Variants in POU6F2 observed in about 807,000 individuals in gnomAD.
POU6F2 encodes the protein POU class 6 homeobox 2.
Under a neutral mutation model 71.3 loss-of-function variants are expected in POU6F2, and 31 were observed. The ratio of observed to expected loss-of-function variants is 0.43; its 90% CI spans 0.33 to 0.59. The LOEUF is 0.59. Among genes scored for constraint, POU6F2 ranks in the 20% least tolerant of loss-of-function variants. The pLI is 0.04. For synonymous variants in POU6F2, 347 were observed against 355.7 expected, an observed-to-expected ratio of 0.98 and a Z score of 0.27; for missense variants, 783 against 856.8, an observed-to-expected ratio of 0.91 and a Z score of 1.07.
intron 1 of POU6F2, among the ~76,000 whole-genome samples, chr7:39,079,625 CGCA>C (rs1381203961): frequency 6.6e-6 from 1 of 152,058 alleles, no homozygotes; most frequent in African/African-American, 2.4e-5. Flanking sequence ...CACTGTTAAA[CGCA>C]GCATTTATTT....
At chr7:39,269,729 T>TAA (rs1482142337) in intron 4 of POU6F2, among the ~76,000 whole-genome samples, 1 of 152,322 alleles carries the variant, frequency 6.6e-6, no homozygotes, top group African/African-American at 2.4e-5. Flanking sequence ...TAGGGCTTTG[T>TAA]GTTCACTTCT....
chr7:39,285,557 T>A (rs1391826455), intron 4 of POU6F2, among the ~76,000 whole-genome samples: 1 of 152,246 alleles, frequency 6.6e-6, no homozygotes, highest in African/African-American at 2.4e-5. Context: ...AATTGCTACA[T>A]GTTTCTAAAA....
Position 39,085,876 on chromosome 7 carries a change from G to A in POU6F2, c.122G>A (p.Gly41Glu). ...AVIGQDPMIA[G>E]QVSKPLLSVR... ...CCATCCTAGGATCCAATGATAGCTGGACAAGTCAGTAAGCCCTTGCTGTCA... is the reference window on the plus strand; with the variant it reads ...CCATCCTAGGATCCAATGATAGCTGAACAAGTCAGTAAGCCCTTGCTGTCA... The change falls in exon 2 of 10, where the codon GGA becomes GAA. Residue 41 changes from glycine to glutamate, a missense_variant. Around this residue, in one of 2 missense-constraint regions of POU6F2, gnomAD observed 572 missense variants for 572.9 expected, o/e 1.00. Transcript: ENST00000518318. 1 of 1,613,504 alleles carries A rather than the reference G, an allele frequency of 6.2e-7. No homozygotes were observed. Among genetic ancestry groups the A allele is most frequent in the Non-Finnish European group, 8.5e-7 (1 of 1,179,722 alleles).
intron 4 of POU6F2, among the ~76,000 whole-genome samples, chr7:39,256,844 C>T (rs575421471): frequency 6.6e-6 from 1 of 152,264 alleles, no homozygotes; most frequent in Admixed American, 6.5e-5. Context: ...AACAGATTCT[C>T]CTATAGAGCC....
intron 5 of POU6F2, among the ~76,000 whole-genome samples, chr7:39,365,306 C>T (rs1335522888): frequency 1.3e-5 from 2 of 152,132 alleles, no homozygotes; most frequent in Admixed American, 6.5e-5. Context: ...CCCTATTCAA[C>T]AAATGGTGCT....
chr7:39,196,675 C>T (rs1793792663), intron 2 of POU6F2, among the ~76,000 whole-genome samples: 1 of 151,974 alleles, frequency 6.6e-6, no homozygotes, highest in African/African-American at 2.4e-5. Context: ...AGGAGAATCG[C>T]TTGAACCCAG....
intron 1 of POU6F2, among the ~76,000 whole-genome samples, chr7:39,051,214 GTC>G (rs1467622448): frequency 1.3e-5 from 2 of 152,110 alleles, no homozygotes; most frequent in African/African-American, 4.8e-5. Flanking sequence ...CTTAGAGTGA[GTC>G]TCTGATAGGC....
At position 39,464,368 on chromosome 7, in the gene POU6F2, G is replaced by A. The variant is rs1308231119; in HGVS notation, c.1845G>A (p.Glu615=). 3.1e-6 allele frequency: 5 copies of A among 1,614,024 alleles called. No homozygotes were observed. The East Asian group carries it at 8.9e-5, about 29-fold the overall frequency. Residue 615 remains glutamate (E), a synonymous_variant, in exon 10 of 10, where the codon GAG becomes GAA. Coordinates refer to ENST00000518318, the MANE Select transcript of POU6F2 (RefSeq NM_001370959.1). The surrounding 1 kb of genome is among the most constrained non-coding windows in gnomAD (Gnocchi z 4.1). ...PVLERWMAEA[E]ARHRAGMQNL... is the part of the protein sequence containing the mutation. ...TTGAGCGGTGGATGGCTGAGGCTGA[G>A]GCCCGCCATCGAGCAGGTATGCAGA... is the stretch of plus-strand genomic sequence containing the variant.
intron 2 of POU6F2, among the ~76,000 whole-genome samples, chr7:39,202,471 T>C (rs1031424236): frequency 1.3e-5 from 2 of 152,356 alleles, no homozygotes; most frequent in African/African-American, 4.8e-5. Context: ...TAAAAAATTG[T>C]GCATTTTTAG....
rs185643329 is a variant in POU6F2 at position 39,207,345 on chromosome 7, C to T, written c.370-47C>T. The stretch of plus-strand genomic sequence containing the variant: ...AAAGAAGATGTTTTTAAAACCCATG[C>T]CTTGGTTCCACAGGAAAGTGAGCTA... On this transcript the variant is annotated intron_variant, in intron 3 of 9. Coordinates refer to ENST00000518318, the MANE Select transcript of POU6F2 (RefSeq NM_001370959.1). The T allele has an allele frequency of 8.8e-3, 13,833 of 1,569,654 alleles. 100 individuals are homozygous for T. Among genetic ancestry groups the T allele is most frequent in the South Asian group, 0.02 (1,722 of 87,424 alleles).
chr7:39,368,606 A>G (rs1399988420), intron 5 of POU6F2, among the ~76,000 whole-genome samples: 2 of 152,260 alleles, frequency 1.3e-5, no homozygotes, highest in Non-Finnish European at 2.9e-5. Flanking sequence ...CTATTGGAAG[A>G]AGATACCATC....
intron 2 of POU6F2, among the ~76,000 whole-genome samples, chr7:39,162,771 G>A (rs1400119136): frequency 6.6e-6 from 1 of 151,762 alleles, no homozygotes; most frequent in East Asian, 1.9e-4. Context: ...AGTGGGGATA[G>A]TACTCAGTAT....
chr7:39,204,564 C>CA (rs1408454678), intron 3 of POU6F2, among the ~76,000 whole-genome samples: 24 of 87,344 alleles, frequency 2.7e-4, no homozygotes, highest in African/African-American at 9.1e-4. Context: ...CATGTGGAAA[C>CA]ACTTTTTTTT....
intron 4 of POU6F2, among the ~76,000 whole-genome samples, chr7:39,279,411 A>AAT: frequency 6.6e-6 from 1 of 152,342 alleles, no homozygotes; most frequent in East Asian, 1.9e-4. Flanking sequence ...AGGAGAAAAT[A>AAT]ATAACATCAT....
chr7:39,106,552 T>C (rs1186800711), intron 2 of POU6F2, among the ~76,000 whole-genome samples: 2 of 152,264 alleles, frequency 1.3e-5, no homozygotes, highest in African/African-American at 2.4e-5. Context: ...GCTTAAATGA[T>C]GTGAAGTATT....
intron 4 of POU6F2, among the ~76,000 whole-genome samples, chr7:39,232,479 A>G (rs1794594865): frequency 6.6e-6 from 1 of 152,224 alleles, no homozygotes. Flanking sequence ...TAAAAAGACT[A>G]TCACTCATGG....
chr7:39,244,361 T>C (rs1328196855), intron 4 of POU6F2, among the ~76,000 whole-genome samples: 1 of 152,198 alleles, frequency 6.6e-6, no homozygotes, highest in African/African-American at 2.4e-5. Flanking sequence ...AGTCTGATTC[T>C]GTGGCAAGAG....
At chr7:39,155,824 G>T (rs906911759) in intron 2 of POU6F2, among the ~76,000 whole-genome samples, 107 of 152,236 alleles carry the variant, frequency 7.0e-4, no homozygotes, top group African/African-American at 2.2e-3. Context: ...TAGCATGAAA[G>T]TTTTATCTAT....
At chr7:39,187,449 C>T (rs1393104392) in intron 2 of POU6F2, among the ~76,000 whole-genome samples, 3 of 152,216 alleles carry the variant, frequency 2.0e-5, no homozygotes, top group African/African-American at 4.8e-5. Context: ...TCCGTGGTGG[C>T]ATGGACAAGT....
Sources: allele counts gnomAD v4.1 joint callset (sites outside exome capture counted in the v4.1 genomes callset), GRCh38; gene constraint gnomAD v4.1.1; regional missense constraint gnomAD v4.1.1; non-coding constraint Gnocchi (gnomAD v3.1); transcripts MANE v1.5; gene names NCBI Gene and HGNC (gene_info 2026-07-23, HGNC 2026-07-21).